KLHL1: variants seen among roughly 807,000 people sequenced by gnomAD.
KLHL1 encodes the protein kelch like family member 1.
KLHL1 carries 47 observed loss-of-function variants against 77.7 expected under a neutral mutation model. The ratio of observed to expected loss-of-function variants is 0.60; its 90% CI spans 0.48 to 0.77. The LOEUF (loss-of-function observed/expected upper bound fraction) is 0.77, where lower values mean the gene tolerates loss of function less well. Ranked by LOEUF, KLHL1 falls within the 30% of genes least tolerant of loss-of-function variation. The probability of loss-of-function intolerance (pLI) is 0.00; values close to 1 mark genes in which losing one functional copy is unlikely to be tolerated. For synonymous variants in KLHL1, 360 were observed against 325.2 expected (o/e 1.11, Z -1.15); for missense variants, 925 against 910.8 (o/e 1.02, Z -0.20).
At chr13:69,981,531 A>G (rs1406816993) in intron 1 of KLHL1, among the ~76,000 whole-genome samples, 1 of 152,066 alleles carries the variant, frequency 6.6e-6, no homozygotes, top group Non-Finnish European at 1.5e-5. Flanking sequence ...ACTTTATTTA[A>G]GGGAAAAAAA....
At chr13:70,068,375 A>C (rs915688551) in intron 1 of KLHL1, among the ~76,000 whole-genome samples, 1 of 149,196 alleles carries the variant, frequency 6.7e-6, no homozygotes, top group Non-Finnish European at 1.5e-5. Flanking sequence ...AAAAACAAAA[A>C]AAAAGGATTT....
intron 4 of KLHL1, among the ~76,000 whole-genome samples, chr13:69,886,396 TA>T (rs1464088205): frequency 2.8e-4 from 43 of 151,740 alleles, no homozygotes; most frequent in African/African-American, 1.0e-3. Flanking sequence ...TTTGTTTGTT[TA>T]ATTATTTCCT....
At chr13:69,923,298 C>T (rs951059626) in intron 4 of KLHL1, among the ~76,000 whole-genome samples, 8 of 152,152 alleles carry the variant, frequency 5.3e-5, no homozygotes, top group Non-Finnish European at 1.0e-4. Context: ...GAGTCACTGG[C>T]CCACTTTGCC....
intron 5 of KLHL1, among the ~76,000 whole-genome samples, chr13:69,858,661 G>A (rs1880015486): frequency 6.6e-6 from 1 of 152,036 alleles, no homozygotes; most frequent in African/African-American, 2.4e-5. Flanking sequence ...AAGACATGTA[G>A]CTATAAGAAA....
chr13:70,107,446 G>A lies in KLHL1; in HGVS notation c.254C>T (p.Ser85Phe). The A allele has an allele frequency of 6.2e-7, 1 of 1,614,146 alleles. No homozygotes were observed. Among genetic ancestry groups the A allele is most frequent in the Non-Finnish European group, 8.5e-7 (1 of 1,180,020 alleles). The part of the protein sequence containing the change: ...SSSSSSSPSS[S>F]SSSFNPLNGT... The stretch of plus-strand genomic sequence containing the variant: ...ATTCAGCGGATTGAAGGAAGAGGAG[G>A]AAGAGGACGGGGAGGACGATGAAGA... The change falls in exon 1 of 11, where the codon TCC becomes TTC. Residue 85 changes from serine to phenylalanine, a missense_variant. Physicochemically the swap from Ser to Phe is radical, Grantham distance 155. Transcript: ENST00000377844.
intron 6 of KLHL1, among the ~76,000 whole-genome samples, chr13:69,812,916 C>A (rs897148391): frequency 6.9e-6 from 1 of 144,262 alleles, no homozygotes; most frequent in Non-Finnish European, 1.5e-5. Flanking sequence ...GACAGTGTGG[C>A]AATTCCTCAG....
chr13:69,942,608 A>C (rs1371838034), intron 3 of KLHL1, among the ~76,000 whole-genome samples: 1 of 152,014 alleles, frequency 6.6e-6, no homozygotes, highest in African/African-American at 2.4e-5. Flanking sequence ...ACCTATAATA[A>C]TTTGCAAAAC....
At position 69,959,696 on chromosome 13, in the gene KLHL1, T is replaced by C. The variant is rs1448081586; in HGVS notation, c.817+1612A>G. 2.0e-5 allele frequency among the ~76,000 whole-genome samples: 3 copies of C among 151,964 alleles called. No homozygotes were observed. The East Asian group carries it at 5.8e-4, about 29-fold the overall frequency. ...CCCCAAAGGCCTGAACATTGTATCTTTGAAATGTAAACATCAAGGGAAATA... is the reference window on the plus strand; with the variant it reads ...CCCCAAAGGCCTGAACATTGTATCTCTGAAATGTAAACATCAAGGGAAATA... On this transcript the variant is annotated intron_variant, in intron 3 of 10. Coordinates refer to ENST00000377844, the MANE Select transcript of KLHL1 (RefSeq NM_020866.3).
chr13:69,815,290 C>T (rs1258826816), intron 6 of KLHL1, among the ~76,000 whole-genome samples: 1 of 152,162 alleles, frequency 6.6e-6, no homozygotes, highest in Non-Finnish European at 1.5e-5. Flanking sequence ...ATAGCAAAGA[C>T]ATGGAATCAA....
intron 9 of KLHL1, among the ~76,000 whole-genome samples, chr13:69,713,636 T>A (rs1429724993): frequency 2.0e-5 from 3 of 152,154 alleles, no homozygotes; most frequent in Non-Finnish European, 4.4e-5. Flanking sequence ...TTTATCAAAC[T>A]GATTCTGTCC....
chr13:70,098,624 T>C (rs1887847605), intron 1 of KLHL1, among the ~76,000 whole-genome samples: 1 of 151,910 alleles, frequency 6.6e-6, no homozygotes, highest in Non-Finnish European at 1.5e-5. Context: ...TAATTATTAA[T>C]AAAGTATATT....
intron 7 of KLHL1, among the ~76,000 whole-genome samples, chr13:69,780,078 G>A (rs1876062098): frequency 6.6e-6 from 1 of 152,074 alleles, no homozygotes; most frequent in Non-Finnish European, 1.5e-5. Context: ...AAAGTGCTGG[G>A]ATGACAGGCA....
At chr13:69,746,048 A>T (rs1226698836) in intron 7 of KLHL1, among the ~76,000 whole-genome samples, 2 of 151,532 alleles carry the variant, frequency 1.3e-5, no homozygotes, top group African/African-American at 4.8e-5. Flanking sequence ...ATATTACTGA[A>T]ATGATCACTT....
At chr13:70,045,491 T>C (rs1886471945) in intron 1 of KLHL1, among the ~76,000 whole-genome samples, 1 of 152,096 alleles carries the variant, frequency 6.6e-6, no homozygotes, top group Admixed American at 6.6e-5. Flanking sequence ...TAGATGAGTG[T>C]GTCATTCTAT....
At chr13:70,006,711 G>C (rs1885416122) in intron 1 of KLHL1, among the ~76,000 whole-genome samples, 1 of 151,772 alleles carries the variant, frequency 6.6e-6, no homozygotes, top group Admixed American at 6.6e-5. Flanking sequence ...GTTTTAGGGA[G>C]AAAGATCCCA....
chr13:70,086,547 T>C (rs1593732775), intron 1 of KLHL1, among the ~76,000 whole-genome samples: 1 of 117,250 alleles, frequency 8.5e-6, no homozygotes, highest in African/African-American at 3.4e-5. Flanking sequence ...CACTCTAGCC[T>C]GGGTGACAGA....
chr13:69,765,733 T>G (rs1461323901), intron 7 of KLHL1, among the ~76,000 whole-genome samples: 1 of 152,138 alleles, frequency 6.6e-6, no homozygotes, highest in Non-Finnish European at 1.5e-5. Flanking sequence ...GAGGTATACT[T>G]TGGAATGCTG....
rs890209318 is a variant in KLHL1 at position 69,830,749 on chromosome 13, C to A, written c.1414+8227G>T. ...GAAAACTGAAATTATATCAAGTACT[C>A]TCTCAGACCACAGTGGAATAAAATT... On this transcript the variant is annotated intron_variant, in intron 6 of 10. Transcript: ENST00000377844. Among the ~76,000 whole-genome samples the A allele has an allele frequency of 1.3e-5, 2 of 149,998 alleles. 1 individual carries two copies. Among genetic ancestry groups the A allele is most frequent in the African/African-American group, 5.0e-5 (2 of 39,938 alleles).
intron 5 of KLHL1, among the ~76,000 whole-genome samples, chr13:69,866,706 T>C (rs1880377492): frequency 6.6e-6 from 1 of 152,152 alleles, no homozygotes; most frequent in African/African-American, 2.4e-5. Context: ...AACTATTGTT[T>C]TGACATGAAA....
Sources: allele counts gnomAD v4.1 joint callset (sites outside exome capture counted in the v4.1 genomes callset), GRCh38; gene constraint gnomAD v4.1.1; transcripts MANE v1.5; gene names NCBI Gene and HGNC (gene_info 2026-07-23, HGNC 2026-07-21).